PCLO: variants seen among roughly 807,000 people sequenced by gnomAD.
PCLO encodes piccolo presynaptic cytomatrix protein.
In PCLO, 82 loss-of-function variants were observed where a neutral mutation model predicts 427.5. The ratio of observed to expected loss-of-function variants is 0.19; its 90% CI spans 0.16 to 0.23. The LOEUF (loss-of-function observed/expected upper bound fraction) is 0.23, where lower values mean the gene tolerates loss of function less well. Among genes scored for constraint, PCLO ranks in the 10% least tolerant of loss-of-function variants. The pLI is 1.00. For missense variants in PCLO, 6,239 were observed against 6,115.9 expected (o/e 1.02, Z -0.67); for synonymous variants, 2,357 against 2,155.4 (o/e 1.09, Z -2.59).
chr7:83,129,802 T>C (rs186253293), intron 3 of PCLO, among the ~76,000 whole-genome samples: 14 of 152,270 alleles, frequency 9.2e-5, no homozygotes, highest in African/African-American at 3.1e-4. Flanking sequence ...TTTACTCAGA[T>C]ACAGAACTAC....
chr7:82,954,511 C>T lies in PCLO; in HGVS notation c.6442G>A (p.Asp2148Asn), dbSNP rs374966632. ...ATCTCTTGAATTTCTCTTGTATAAT[C>T]GGTTACATATTCATCCTCAATTTCT... ...TEEIEDEYVT[D>N]YTREIQEIIA... Residue 2148 changes from aspartate (D) to asparagine (N), a missense_variant, in exon 5 of 25, where the codon GAT (aspartate) becomes AAT (asparagine). Asp to Asn is a conservative substitution (Grantham distance 23). Around this residue, in one of 5 missense-constraint regions of PCLO, gnomAD observed 4,677 missense variants for 4,468.4 expected, o/e 1.05. Transcript: ENST00000333891. The T allele has an allele frequency of 5.0e-5, 80 of 1,613,766 alleles. No homozygotes were observed. The highest frequency in any genetic ancestry group is 5.8e-5 in the Non-Finnish European group (68 of 1,179,846).
intron 3 of PCLO, among the ~76,000 whole-genome samples, chr7:83,055,306 T>C (rs1165230595): frequency 6.6e-6 from 1 of 152,120 alleles, no homozygotes; most frequent in Non-Finnish European, 1.5e-5. Flanking sequence ...TTCCTAATGG[T>C]CTGTGACATT....
chr7:82,955,691 C>T lies in PCLO; in HGVS notation c.5262G>A (p.Gln1754=). The T allele has an allele frequency of 3.1e-6, 5 of 1,613,952 alleles. No homozygotes were observed. Among genetic ancestry groups the T allele is most frequent in the Non-Finnish European group, 3.4e-6 (4 of 1,179,878 alleles). ...SPSHKKGESK[Q]QRKARHRPHG... is the part of the protein sequence containing the mutation. ...GTGGTCTGTGCCGAGCTTTGCGTTGCTGTTTGCTCTCTCCTTTTTTGTGAC... is the reference window on the plus strand; with the variant it reads ...GTGGTCTGTGCCGAGCTTTGCGTTGTTGTTTGCTCTCTCCTTTTTTGTGAC... The change falls in exon 5 of 25, where the codon CAG becomes CAA. Residue 1754 remains glutamine (Q), a synonymous_variant. Coordinates refer to ENST00000333891, the MANE Select transcript of PCLO (RefSeq NM_033026.6).
intron 3 of PCLO, among the ~76,000 whole-genome samples, chr7:83,006,486 T>A (rs1436035917): frequency 6.6e-6 from 1 of 151,548 alleles, no homozygotes; most frequent in African/African-American, 2.4e-5. Context: ...TTTAAAACAT[T>A]TACAGTTCCT....
In PCLO at chr7:83,135,391, G is replaced by A. The variant is rs200999253; in HGVS notation, c.2159C>T (p.Ala720Val). ...PTLHGSPSAK[A>V]KQPPEADSLS... Reference sequence around the variant, plus strand: ...AGAATCTGCCTCAGGGGGCTGCTTGGCCTTGGCTGAAGGAGAGCCATGAAG... The same window carrying A: ...AGAATCTGCCTCAGGGGGCTGCTTGACCTTGGCTGAAGGAGAGCCATGAAG... Residue 720 changes from alanine to valine, a missense_variant, in exon 3 of 25, where the codon GCC becomes GTC. Transcript: ENST00000333891. 578 of 1,613,796 alleles carry A rather than the reference G, an allele frequency of 3.6e-4. 1 individual carries two copies. Among genetic ancestry groups the A allele is most frequent in the Non-Finnish European group, 3.8e-4 (453 of 1,179,876 alleles).
At chr7:83,096,400 T>C (rs946384830) in intron 3 of PCLO, among the ~76,000 whole-genome samples, 8 of 152,120 alleles carry the variant, frequency 5.3e-5, no homozygotes, top group Non-Finnish European at 1.2e-4. Flanking sequence ...AAATTACTAG[T>C]TAAATTACTT....
chr7:82,939,191 T>C (rs536242568), intron 6 of PCLO, among the ~76,000 whole-genome samples: 2 of 152,212 alleles, frequency 1.3e-5, no homozygotes, highest in African/African-American at 4.8e-5. Context: ...TTTTAAATGC[T>C]GCAAAATGTA....
intron 4 of PCLO, among the ~76,000 whole-genome samples, chr7:82,959,687 G>A (rs75505181): frequency 0.022 from 3,279 of 152,072 alleles, 131 homozygotes; most frequent in African/African-American, 0.075. Context: ...TCAGCACCAC[G>A]TCTTACCCAC....
chr7:82,972,640 C>T (rs913289415), intron 3 of PCLO, among the ~76,000 whole-genome samples: 2 of 151,980 alleles, frequency 1.3e-5, no homozygotes, highest in Non-Finnish European at 2.9e-5. Context: ...ATCATTTCCA[C>T]CCATAGAAGT....
intron 9 of PCLO, among the ~76,000 whole-genome samples, chr7:82,898,641 G>A (rs570216218): frequency 1.3e-5 from 2 of 151,146 alleles, no homozygotes; most frequent in Admixed American, 6.6e-5. Context: ...TTAAATCTTT[G>A]TCTTGTCTCA....
intron 10 of PCLO, among the ~76,000 whole-genome samples, chr7:82,860,426 A>G (rs1204830489): frequency 3.9e-5 from 6 of 152,146 alleles, no homozygotes; most frequent in African/African-American, 1.4e-4. Context: ...GCTGAAGAAA[A>G]AAATCTTTTA....
intron 10 of PCLO, among the ~76,000 whole-genome samples, chr7:82,869,763 A>T (rs779255858): frequency 6.6e-6 from 1 of 152,038 alleles, no homozygotes; most frequent in Non-Finnish European, 1.5e-5. Context: ...GCACAGTAGT[A>T]GTAAAGAAAA....
chr7:83,054,476 T>C (rs1479832334), intron 3 of PCLO, among the ~76,000 whole-genome samples: 1 of 152,070 alleles, frequency 6.6e-6, no homozygotes, highest in Non-Finnish European at 1.5e-5. Context: ...TTTGCGTAAT[T>C]AATAGAGGGC....
intron 9 of PCLO, among the ~76,000 whole-genome samples, chr7:82,900,919 G>C (rs1241302991): frequency 2.0e-5 from 3 of 151,678 alleles, no homozygotes; most frequent in Non-Finnish European, 4.4e-5. Flanking sequence ...TCCACCATTA[G>C]CTTTGGCTTA....
intron 2 of PCLO, among the ~76,000 whole-genome samples, chr7:83,140,235 T>C (rs1791828494): frequency 1.3e-5 from 2 of 152,166 alleles, no homozygotes; most frequent in Non-Finnish European, 2.9e-5. Flanking sequence ...TTCTCTCACA[T>C]TTCCAAAGCC....
Position 82,965,746 on chromosome 7 carries a change from GAGAAGTTAGT to G in PCLO, c.4017+15_4017+24del. ...TTAGTAATTTCACACATGAGAGTGT[GAGAAGTTAGT>G]AAAATTTAACTTACTGTTTTTTCTT... On this transcript the variant is annotated intron_variant, in intron 4 of 24. Transcript: ENST00000333891. 6.7e-7 allele frequency: 1 copy of G among 1,489,650 alleles called. No homozygotes were observed. Among genetic ancestry groups the G allele is most frequent in the Non-Finnish European group, 9.2e-7 (1 of 1,091,072 alleles). The allele number at this position is 1,489,650 out of a possible 1,614,324, so 92.3% of individuals were successfully genotyped here. A position where few individuals can be genotyped will look rare whatever the true frequency, so the allele number is the denominator to read the frequency against.
intron 10 of PCLO, 71 bp from the exon 11 acceptor site, chr7:82,847,318 A>T: frequency 1.2e-6 from 1 of 819,006 alleles, no homozygotes; most frequent in Non-Finnish European, 2.0e-6. Flanking sequence ...GGCATTGAAG[A>T]CATTTATTTG....
At chr7:82,889,515 T>C (rs1385320065) in intron 9 of PCLO, among the ~76,000 whole-genome samples, 1 of 152,146 alleles carries the variant, frequency 6.6e-6, no homozygotes, top group East Asian at 1.9e-4. Flanking sequence ...AAAAACAATT[T>C]CTTAGTTTGG....
At chr7:83,060,039 A>G (rs943527764) in intron 3 of PCLO, among the ~76,000 whole-genome samples, 1 of 152,170 alleles carries the variant, frequency 6.6e-6, no homozygotes, top group Non-Finnish European at 1.5e-5. Flanking sequence ...TATGTTTCCT[A>G]TGGCAAGAAA....
Sources: allele counts gnomAD v4.1 joint callset (sites outside exome capture counted in the v4.1 genomes callset), GRCh38; gene constraint gnomAD v4.1.1; regional missense constraint gnomAD v4.1.1; transcripts MANE v1.5; gene names NCBI Gene and HGNC (gene_info 2026-07-23, HGNC 2026-07-21).